The following RAB2A variants were observed in gnomAD, a reference collection of about 807,000 sequenced individuals.
RAB2A encodes the protein ras-related protein Rab-2A.
In RAB2A, 7 loss-of-function variants were observed where a neutral mutation model predicts 32.5. The ratio of observed to expected loss-of-function variants is 0.22; its 90% confidence interval spans 0.12 to 0.40. RAB2A has a LOEUF of 0.40. Ranked by LOEUF, RAB2A falls within the 10% of genes least tolerant of loss-of-function variation. The pLI is 1.00. For synonymous variants in RAB2A, 79 were observed against 85.2 expected (o/e 0.93, Z 0.40); for missense variants, 108 against 260.7 (o/e 0.41, Z 4.03).
At chr8:60,559,194 T>C (rs1344825543) in intron 2 of RAB2A, 4 of 317,514 alleles carry the variant, frequency 1.3e-5, no homozygotes, top group Non-Finnish European at 2.4e-5. Context: ...TAAGAGACAG[T>C]ATCCAAGCAT....
At chr8:60,559,833 T>G (rs1245420150) in intron 2 of RAB2A, among the ~76,000 whole-genome samples, 1 of 152,204 alleles carries the variant, frequency 6.6e-6, no homozygotes. Flanking sequence ...AATTTACTAT[T>G]TATAGCATGT....
At chr8:60,549,946 C>G (rs1357626730) in intron 1 of RAB2A, among the ~76,000 whole-genome samples, 1 of 150,344 alleles carries the variant, frequency 6.7e-6, no homozygotes, top group East Asian at 1.9e-4. Flanking sequence ...TGTTCTCATT[C>G]TGTTTAATTC....
At chr8:60,605,612 GC>G (rs1586111175) in intron 6 of RAB2A, among the ~76,000 whole-genome samples, 1 of 152,116 alleles carries the variant, frequency 6.6e-6, no homozygotes, top group East Asian at 1.9e-4. Flanking sequence ...ACACCCCTGT[GC>G]CCTGGACGTG....
chr8:60,592,113 T>G, intron 6 of RAB2A, 144 bp downstream of exon 6: 1 of 479,498 alleles, frequency 2.1e-6, no homozygotes, highest in Non-Finnish European at 3.8e-6. Context: ...TTGAAATCCC[T>G]TGTAACATTC....
chr8:60,567,467 C>T (rs1005994104), intron 2 of RAB2A, among the ~76,000 whole-genome samples: 1 of 152,042 alleles, frequency 6.6e-6, no homozygotes, highest in African/African-American at 2.4e-5. Context: ...TCTTTCTTTC[C>T]TAAGTTTTCT....
chr8:60,603,324 G>A (rs1376523081), intron 6 of RAB2A, among the ~76,000 whole-genome samples: 1 of 152,200 alleles, frequency 6.6e-6, no homozygotes, highest in Non-Finnish European at 1.5e-5. Context: ...CCCAGTTACT[G>A]TAATACAAGT....
chr8:60,592,043 T>C (rs1451512165), intron 6 of RAB2A, 74 bp downstream of exon 6: 2 of 902,862 alleles, frequency 2.2e-6, no homozygotes, highest in South Asian at 1.9e-5. Flanking sequence ...ATTTTACTTA[T>C]TATTTAAGTT....
At chr8:60,535,748 G>T (rs1807546998) in intron 1 of RAB2A, among the ~76,000 whole-genome samples, 1 of 152,132 alleles carries the variant, frequency 6.6e-6, no homozygotes, top group African/African-American at 2.4e-5. Context: ...TTATCAATAC[G>T]GCCTGCTTGA....
chr8:60,532,478 T>C (rs1402319925), intron 1 of RAB2A, among the ~76,000 whole-genome samples: 2 of 152,154 alleles, frequency 1.3e-5, no homozygotes, highest in East Asian at 1.9e-4. Flanking sequence ...AACTTGGGTG[T>C]GTGTTGAAGA....
intron 1 of RAB2A, among the ~76,000 whole-genome samples, chr8:60,556,200 T>C (rs1406948593): frequency 2.6e-5 from 4 of 152,100 alleles, no homozygotes; most frequent in African/African-American, 9.7e-5. Context: ...TTGTGGGTAT[T>C]AGAGGCCGGG....
intron 3 of RAB2A, among the ~76,000 whole-genome samples, chr8:60,580,921 A>ATT (rs1803738488): frequency 6.6e-6 from 1 of 152,184 alleles, no homozygotes; most frequent in Admixed American, 6.5e-5. Flanking sequence ...GATTGGTTTA[A>ATT]AGGACTTTTA....
intron 1 of RAB2A, among the ~76,000 whole-genome samples, chr8:60,521,113 C>T (rs1033309111): frequency 1.3e-5 from 2 of 152,228 alleles, no homozygotes; most frequent in African/African-American, 4.8e-5. Flanking sequence ...CAGCTCTCAG[C>T]CCCACTTGCA....
At chr8:60,549,584 G>A (rs1344084876) in intron 1 of RAB2A, among the ~76,000 whole-genome samples, 2 of 151,498 alleles carry the variant, frequency 1.3e-5, no homozygotes, top group Non-Finnish European at 2.9e-5. Flanking sequence ...CATCTGTAAT[G>A]TGGAGTGTCT....
At chr8:60,547,852 T>A (rs10110546) in intron 1 of RAB2A, among the ~76,000 whole-genome samples, 1 of 70,996 alleles carries the variant, frequency 1.4e-5, no homozygotes, top group Non-Finnish European at 2.7e-5. Flanking sequence ...ACCTCCCTCC[T>A]GGACGGGGCG....
chr8:60,547,713 C>T (rs1246678316), intron 1 of RAB2A, among the ~76,000 whole-genome samples: 1 of 113,670 alleles, frequency 8.8e-6, no homozygotes, highest in Non-Finnish European at 1.9e-5. Context: ...GCTGACCCCC[C>T]CACCTCCCTC....
chr8:60,538,571 A>G (rs1354803483), intron 1 of RAB2A, among the ~76,000 whole-genome samples: 1 of 152,352 alleles, frequency 6.6e-6, no homozygotes, highest in East Asian at 1.9e-4. Context: ...CTGACATTCA[A>G]ACCTCATTGG....
intron 6 of RAB2A, among the ~76,000 whole-genome samples, chr8:60,608,042 C>T (rs1263122434): frequency 7.2e-5 from 11 of 152,188 alleles, no homozygotes; most frequent in South Asian, 4.1e-4. Context: ...TCTTCCACCA[C>T]GGCCAAGGTC....
chr8:60,541,389 T>C (rs1273907825), intron 1 of RAB2A, among the ~76,000 whole-genome samples: 10 of 152,118 alleles, frequency 6.6e-5, no homozygotes, highest in Admixed American at 5.2e-4. Context: ...ATTAGAACTT[T>C]AAGGGAGTTA....
chr8:60,620,288 A>T (rs761296439), intron 7 of RAB2A, among the ~76,000 whole-genome samples: 1 of 152,254 alleles, frequency 6.6e-6, no homozygotes, highest in Admixed American at 6.5e-5. Flanking sequence ...TCAACATGGA[A>T]CAGAAACACT....
Sources: gnomAD v4.1 joint callset for allele counts (sites outside exome capture counted in the v4.1 genomes callset) on GRCh38, gnomAD v4.1.1 for gene constraint, MANE v1.5 for transcripts, NCBI Gene and HGNC (gene_info 2026-07-23, HGNC 2026-07-21) for gene names.